Variants in MCUB observed in about 807,000 individuals in gnomAD.
MCUB encodes mitochondrial calcium uniporter dominant negative subunit beta, also known as calcium uniporter regulatory subunit MCUb, mitochondrial.
Under a neutral mutation model 41.4 loss-of-function variants are expected in MCUB, and 46 were observed. The observed-to-expected ratio is 1.11, with a 90% CI of 0.88 to 1.42. The LOEUF (loss-of-function observed/expected upper bound fraction) is 1.42, where lower values mean the gene tolerates loss of function less well. Among genes scored for constraint, MCUB ranks in the 40% most tolerant of loss-of-function variants. The pLI, the probability that MCUB is intolerant of heterozygous loss-of-function variation, is 0.00. For synonymous variants in MCUB, 148 were observed against 148.2 expected (o/e 1.00, Z 0.01); for missense variants, 403 against 404.9 (o/e 1.00, Z 0.04).
Position 109,593,983 on chromosome 4 carries a change from C to G in MCUB, c.99+33547C>G, listed in dbSNP as rs1196966015. ...AGTCAGTCCAAGGGTAATGTTAGCA[C>G]TCTAGAAGTACTTGTCACCTTGACT... On this transcript the variant is annotated intron_variant, in intron 1 of 7. Coordinates refer to ENST00000394650, the MANE Select transcript of MCUB (RefSeq NM_017918.5). Among the ~76,000 whole-genome samples the G allele has an allele frequency of 2.6e-5, 4 of 152,184 alleles. No individual in the cohort carries two copies. The South Asian group carries it at 8.3e-4, about 32-fold the overall frequency.
chr4:109,684,351 C>CG, intron 5 of MCUB, 92 bp from the exon 6 acceptor site: 1 of 1,026,554 alleles, frequency 9.7e-7, no homozygotes, highest in South Asian at 1.7e-5. Flanking sequence ...CGTGAGCCAC[C>CG]GCGCCCGGCA....
chr4:109,581,600 A>G (rs1727177244), intron 1 of MCUB, among the ~76,000 whole-genome samples: 1 of 152,206 alleles, frequency 6.6e-6, no homozygotes, highest in Non-Finnish European at 1.5e-5. Context: ...CAGGCAACCT[A>G]CAGAATGGGA....
intron 1 of MCUB, among the ~76,000 whole-genome samples, chr4:109,582,130 A>G (rs1389638383): frequency 6.6e-6 from 1 of 152,116 alleles, no homozygotes; most frequent in Non-Finnish European, 1.5e-5. Context: ...ACCAACCCAA[A>G]TGTCCATCAA....
chr4:109,598,981 T>C (rs915342753), intron 1 of MCUB, among the ~76,000 whole-genome samples: 7 of 152,224 alleles, frequency 4.6e-5, no homozygotes. Flanking sequence ...TTATGAAGGA[T>C]GCTTAAATTT....
At chr4:109,653,867 G>A (rs539985427) in intron 1 of MCUB, among the ~76,000 whole-genome samples, 9 of 152,236 alleles carry the variant, frequency 5.9e-5, no homozygotes, top group East Asian at 5.8e-4. Context: ...GAGCCATTGC[G>A]CCCAGCCTAA....
At chr4:109,564,142 T>C (rs78580445) in intron 1 of MCUB, among the ~76,000 whole-genome samples, 1 of 144,706 alleles carries the variant, frequency 6.9e-6, no homozygotes, top group Non-Finnish European at 1.5e-5. Context: ...CTTTCTTTTC[T>C]TTTTTTTTTG....
chr4:109,565,616 C>G (rs1250753141), intron 1 of MCUB, among the ~76,000 whole-genome samples: 1 of 152,110 alleles, frequency 6.6e-6, no homozygotes, highest in Non-Finnish European at 1.5e-5. Flanking sequence ...AAAGATTCTT[C>G]TAGAATATGG....
intron 1 of MCUB, among the ~76,000 whole-genome samples, chr4:109,566,169 T>C (rs932290248): frequency 4.0e-5 from 6 of 149,976 alleles, no homozygotes; most frequent in African/African-American, 1.5e-4. Flanking sequence ...TTTCAATTTC[T>C]TTTGAAAGGA....
At chr4:109,598,857 A>G (rs2126130520) in intron 1 of MCUB, among the ~76,000 whole-genome samples, 1 of 152,330 alleles carries the variant, frequency 6.6e-6, no homozygotes, top group Non-Finnish European at 1.5e-5. Context: ...ACAAAGAAAT[A>G]ATTGTGAAAA....
chr4:109,665,182 T>C lies in MCUB; in HGVS notation c.451+788T>C, dbSNP rs903941817. ...TATATTCTATAGATTGTGACAAATG[T>C]AGAACTACATGTATTCATCATTAAT... On this transcript the variant is annotated intron_variant, in intron 4 of 7. Transcript: ENST00000394650. Among the ~76,000 whole-genome samples the C allele has an allele frequency of 9.2e-5, 14 of 152,236 alleles. 1 individual carries two copies. The highest frequency in any genetic ancestry group is 3.4e-4 in the African/African-American group (14 of 41,464).
intron 1 of MCUB, among the ~76,000 whole-genome samples, chr4:109,594,798 G>A (rs1207878849): frequency 6.6e-6 from 1 of 150,956 alleles, no homozygotes; most frequent in African/African-American, 2.4e-5. Flanking sequence ...TTTTTAAGGA[G>A]AGATGTATGG....
intron 1 of MCUB, among the ~76,000 whole-genome samples, chr4:109,585,463 T>A (rs561697065): frequency 3.0e-4 from 45 of 152,326 alleles, no homozygotes; most frequent in African/African-American, 1.1e-3. Flanking sequence ...AGATTAATAT[T>A]GTTGTATGTG....
intron 1 of MCUB, among the ~76,000 whole-genome samples, chr4:109,571,324 T>C (rs1367491416): frequency 2.6e-5 from 4 of 152,106 alleles, no homozygotes; most frequent in Admixed American, 6.5e-5. Context: ...TATTTATTTA[T>C]TTATTTGAGA....
chr4:109,572,432 GTAT>G lies in MCUB; in HGVS notation c.99+12000_99+12002del, dbSNP rs545437681. Among the ~76,000 whole-genome samples the G allele has an allele frequency of 1.2e-4, 19 of 152,312 alleles. 1 individual carries two copies. The East Asian group carries it at 2.9e-3, about 23-fold the overall frequency. On this transcript the variant is annotated intron_variant, in intron 1 of 7. Coordinates refer to ENST00000394650, the MANE Select transcript of MCUB (RefSeq NM_017918.5). Reference sequence around the variant, plus strand: ...AAATGAGCAATAATAGTTATTAAAAGTATTATGCATATCTGGTACATTAATTTA... The same window carrying G: ...AAATGAGCAATAATAGTTATTAAAAGTATGCATATCTGGTACATTAATTTA...
chr4:109,600,877 C>T (rs1351979097), intron 1 of MCUB, among the ~76,000 whole-genome samples: 2 of 152,108 alleles, frequency 1.3e-5, no homozygotes, highest in Non-Finnish European at 2.9e-5. Flanking sequence ...TCACTGCAAC[C>T]TCTGCCTCCT....
chr4:109,678,996 C>T (rs950660533), intron 4 of MCUB, among the ~76,000 whole-genome samples: 1 of 149,278 alleles, frequency 6.7e-6, no homozygotes, highest in Admixed American at 6.6e-5. Flanking sequence ...CAGAGACAGT[C>T]CTCACTTCCT....
At chr4:109,646,291 C>G (rs1322644255) in intron 1 of MCUB, among the ~76,000 whole-genome samples, 1 of 152,156 alleles carries the variant, frequency 6.6e-6, no homozygotes, top group South Asian at 2.1e-4. Context: ...TCCCATGAAA[C>G]AGCTTCCTCT....
chr4:109,625,094 C>T (rs1414086217), intron 1 of MCUB, among the ~76,000 whole-genome samples: 2 of 152,020 alleles, frequency 1.3e-5, no homozygotes, highest in African/African-American at 2.4e-5. Context: ...GAGCTGAGAT[C>T]GCACCACTGC....
chr4:109,686,535 T>A (rs1357410001), intron 7 of MCUB, among the ~76,000 whole-genome samples: 2 of 152,236 alleles, frequency 1.3e-5, no homozygotes, highest in Non-Finnish European at 2.9e-5. Context: ...TATATTTGAA[T>A]AATCCTATCT....
Sources: allele counts gnomAD v4.1 joint callset (sites outside exome capture counted in the v4.1 genomes callset), GRCh38; gene constraint gnomAD v4.1.1; transcripts MANE v1.5; gene names NCBI Gene and HGNC (gene_info 2026-07-23, HGNC 2026-07-21).